Variants in CFAP61 observed in about 807,000 individuals in gnomAD.
The protein encoded by CFAP61 is cilia- and flagella-associated protein 61.
In CFAP61, 107 loss-of-function variants were observed where a neutral mutation model predicts 135.6. That is an observed-to-expected ratio of 0.79 (90% CI 0.67 to 0.93). CFAP61 has a LOEUF of 0.93. CFAP61 is among the 40% of genes least tolerant of loss of function. CFAP61 has a pLI of 0.00. For missense variants in CFAP61, 1,507 were observed against 1,556.2 expected (o/e 0.97, Z 0.53); for synonymous variants, 575 against 578.5 (o/e 0.99, Z 0.09).
intron 20 of CFAP61, among the ~76,000 whole-genome samples, chr20:20,261,720 G>T (rs2052238489): frequency 6.6e-6 from 1 of 151,968 alleles, no homozygotes. Flanking sequence ...CATTTCTTGG[G>T]AAGTCAGATC....
chr20:20,187,915 C>A lies in CFAP61; in HGVS notation c.1386-15C>A. 1 of 1,606,244 alleles carries A rather than the reference C, an allele frequency of 6.2e-7. No individual in the cohort carries two copies. Among genetic ancestry groups the A allele is most frequent in the African/African-American group, 1.3e-5 (1 of 74,822 alleles). On this transcript the variant is annotated splice_polypyrimidine_tract_variant and intron_variant, in intron 13 of 26. Coordinates refer to ENST00000245957, the MANE Select transcript of CFAP61 (RefSeq NM_015585.4). ...TAGTACTTTAACTTAAAAATATATT[C>A]CTCTCCTTACCCAGGTCCATTAATA...
intron 9 of CFAP61, among the ~76,000 whole-genome samples, chr20:20,158,063 G>A (rs1029210261): frequency 5.0e-4 from 76 of 151,030 alleles, no homozygotes; most frequent in African/African-American, 1.8e-3. Context: ...GACACAGGAA[G>A]GGGAATATCA....
At chr20:20,354,748 A>G (rs934677266) in intron 26 of CFAP61, among the ~76,000 whole-genome samples, 2 of 144,862 alleles carry the variant, frequency 1.4e-5, no homozygotes, top group Non-Finnish European at 3.0e-5. Context: ...AGAAAAAGTA[A>G]TCATACTGTG....
intron 20 of CFAP61, among the ~76,000 whole-genome samples, chr20:20,256,496 T>G (rs911765982): frequency 2.6e-5 from 4 of 151,760 alleles, no homozygotes; most frequent in Admixed American, 2.0e-4. Flanking sequence ...AAATGGGAGC[T>G]GAAGCCATTG....
intron 14 of CFAP61, among the ~76,000 whole-genome samples, chr20:20,190,229 G>T (rs185332086): frequency 6.6e-6 from 1 of 152,300 alleles, no homozygotes; most frequent in African/African-American, 2.4e-5. Context: ...ACAGATGAAT[G>T]GTTAAACACA....
Position 20,263,169 on chromosome 20 carries a change from G to A in CFAP61, c.2503+39G>A, listed in dbSNP as rs74675749. ...TAACTGTGCATCTCTTCAGAATAGC[G>A]TTTTATTTTTATAATGAGTCTCATT... On this transcript the variant is annotated intron_variant, in intron 21 of 26. Transcript: ENST00000245957. 1.2e-3 allele frequency: 1,716 copies of A among 1,471,530 alleles called. 20 individuals are homozygous for A. In the African/African-American group the frequency reaches 0.021, roughly 18 times the overall value. 91.2% of individuals were successfully genotyped at this position (1,471,530 alleles called of 1,614,324 possible). A position where few individuals can be genotyped will look rare whatever the true frequency, so the allele number is the denominator to read the frequency against.
At chr20:20,268,988 G>A (rs1045253611) in intron 21 of CFAP61, among the ~76,000 whole-genome samples, 1 of 151,636 alleles carries the variant, frequency 6.6e-6, no homozygotes, top group Non-Finnish European at 1.5e-5. Flanking sequence ...GCTTTGTTAT[G>A]TTATATCTAA....
intron 25 of CFAP61, among the ~76,000 whole-genome samples, chr20:20,321,185 G>C (rs1163924300): frequency 6.6e-6 from 1 of 152,044 alleles, no homozygotes; most frequent in Admixed American, 6.6e-5. Flanking sequence ...GTGAGGGTTT[G>C]TGTTTTAAAA....
chr20:20,062,341 G>A (rs1420973075), intron 2 of CFAP61, among the ~76,000 whole-genome samples: 2 of 152,104 alleles, frequency 1.3e-5, no homozygotes, highest in African/African-American at 4.8e-5. Context: ...ACTAAATTTG[G>A]GATAATCTGT....
chr20:20,327,970 G>A (rs113314736), intron 25 of CFAP61, among the ~76,000 whole-genome samples: 6 of 152,210 alleles, frequency 3.9e-5, no homozygotes, highest in African/African-American at 1.2e-4. Context: ...ACAGTCTTGG[G>A]CGTCAACACC....
intron 24 of CFAP61, among the ~76,000 whole-genome samples, chr20:20,291,349 A>G (rs2054985449): frequency 6.6e-6 from 1 of 152,172 alleles, no homozygotes; most frequent in Non-Finnish European, 1.5e-5. Context: ...CCTAGCAACT[A>G]CTGATCTTCA....
intron 22 of CFAP61, among the ~76,000 whole-genome samples, chr20:20,284,203 T>C (rs1349073163): frequency 5.3e-5 from 8 of 152,160 alleles, no homozygotes; most frequent in African/African-American, 1.9e-4. Flanking sequence ...TTGCCTGCTT[T>C]CTTTAGGATT....
At chr20:20,119,668 G>A (rs892559256) in intron 8 of CFAP61, among the ~76,000 whole-genome samples, 1 of 151,974 alleles carries the variant, frequency 6.6e-6, no homozygotes, top group African/African-American at 2.4e-5. Context: ...AAGTTCAGGG[G>A]TACATGTGTA....
At chr20:20,220,829 C>T (rs569172380) in intron 17 of CFAP61, among the ~76,000 whole-genome samples, 182 of 152,286 alleles carry the variant, frequency 1.2e-3, no homozygotes, top group African/African-American at 4.2e-3. Flanking sequence ...TTTCCCGAAC[C>T]TTTCAGCTCA....
intron 26 of CFAP61, among the ~76,000 whole-genome samples, chr20:20,349,063 T>C (rs546427845): frequency 6.6e-6 from 1 of 152,356 alleles, no homozygotes; most frequent in South Asian, 2.1e-4. Flanking sequence ...ACTATCTCCA[T>C]TCTCAGGTGA....
intron 8 of CFAP61, among the ~76,000 whole-genome samples, chr20:20,108,235 G>T (rs184577075): frequency 1.3e-5 from 2 of 152,200 alleles, no homozygotes; most frequent in East Asian, 3.9e-4. Context: ...ATTTAGTCAT[G>T]GTTATCACAG....
At chr20:20,128,624 T>C (rs1302672413) in intron 8 of CFAP61, among the ~76,000 whole-genome samples, 1 of 151,678 alleles carries the variant, frequency 6.6e-6, no homozygotes, top group Non-Finnish European at 1.5e-5. Context: ...TTGCCATTGA[T>C]CTGGAGCTAA....
At chr20:20,142,830 G>A in intron 8 of CFAP61, 27 bp from the exon 9 acceptor site, 1 of 1,323,830 alleles carries the variant, frequency 7.6e-7, no homozygotes, top group South Asian at 1.2e-5. Flanking sequence ...TCTATTTTCT[G>A]TCATTATTCT....
chr20:20,284,590 T>C (rs537309379), intron 22 of CFAP61, among the ~76,000 whole-genome samples: 1 of 152,338 alleles, frequency 6.6e-6, no homozygotes, highest in Admixed American at 6.5e-5. Flanking sequence ...CGGCCTTCAA[T>C]TGGCTTTTTA....
Sources: allele counts gnomAD v4.1 joint callset (sites outside exome capture counted in the v4.1 genomes callset), GRCh38; gene constraint gnomAD v4.1.1; transcripts MANE v1.5; gene names NCBI Gene and HGNC (gene_info 2026-07-23, HGNC 2026-07-21).